The following TCF7L1 variants were observed in gnomAD, a reference collection of about 807,000 sequenced individuals.
TCF7L1 encodes transcription factor 7-like 1.
TCF7L1 carries 18 observed loss-of-function variants against 63.7 expected under a neutral mutation model. That is an observed-to-expected ratio of 0.28 (90% CI 0.20 to 0.42). The LOEUF is 0.42. Ranked by LOEUF, TCF7L1 falls within the 10% of genes least tolerant of loss-of-function variation. The probability of loss-of-function intolerance (pLI) is 1.00; values close to 1 mark genes in which losing one functional copy is unlikely to be tolerated. For missense variants in TCF7L1, 654 were observed against 779.3 expected, an observed-to-expected ratio of 0.84 and a Z score of 1.91; for synonymous variants, 355 against 340.9, an observed-to-expected ratio of 1.04 and a Z score of -0.46.
At chr2:85,274,982 A>G (rs1162802885) in intron 3 of TCF7L1, among the ~76,000 whole-genome samples, 5 of 152,164 alleles carry the variant, frequency 3.3e-5, no homozygotes, top group African/African-American at 1.2e-4. Context: ...AGGTGTTCTT[A>G]TTCCTATTTT....
At chr2:85,209,256 G>A (rs1679488695) in intron 3 of TCF7L1, among the ~76,000 whole-genome samples, 1 of 152,198 alleles carries the variant, frequency 6.6e-6, no homozygotes, top group Non-Finnish European at 1.5e-5. Flanking sequence ...GGATCACAAA[G>A]GTGTGGAGGC....
intron 5 of TCF7L1, 73 bp from the exon 6 acceptor site, chr2:85,303,822 C>A: frequency 8.5e-7 from 1 of 1,171,640 alleles, no homozygotes; most frequent in Admixed American, 1.9e-5. Context: ...GGGCAGGATG[C>A]TCCCATTTGA....
At chr2:85,171,856 G>C (rs777734917) in intron 3 of TCF7L1, among the ~76,000 whole-genome samples, 2 of 152,120 alleles carry the variant, frequency 1.3e-5, no homozygotes, top group Non-Finnish European at 2.9e-5. Context: ...CCGTGTACAT[G>C]TCAAGTGTCC....
At chr2:85,143,669 A>C (rs1267024858) in intron 3 of TCF7L1, among the ~76,000 whole-genome samples, 1 of 152,220 alleles carries the variant, frequency 6.6e-6, no homozygotes, top group African/African-American at 2.4e-5. Context: ...TAGGTCTCCC[A>C]TTCTACCCAT....
chr2:85,294,318 G>T (rs1681797750), intron 4 of TCF7L1, among the ~76,000 whole-genome samples: 1 of 152,034 alleles, frequency 6.6e-6, no homozygotes, highest in Non-Finnish European at 1.5e-5. Context: ...TTACAGGCGT[G>T]AGCCACCACG....
At chr2:85,159,441 C>G (rs1678229053) in intron 3 of TCF7L1, among the ~76,000 whole-genome samples, 1 of 152,182 alleles carries the variant, frequency 6.6e-6, no homozygotes, top group African/African-American at 2.4e-5. Context: ...TTTCTTCCGG[C>G]CTTACCAAGT....
At position 85,172,227 on chromosome 2, in the gene TCF7L1, G is replaced by A. The variant is rs1021841604; in HGVS notation, c.441+37777G>A. Among the ~76,000 whole-genome samples, 13 of 152,242 alleles carry A rather than the reference G, an allele frequency of 8.5e-5. No homozygotes were observed. In the East Asian group the frequency reaches 2.5e-3, roughly 30 times the overall value. Reference sequence around the variant, plus strand: ...GACAATGATGTTAGGGCCATGGGGTGCCATTGAGGTAATGGTCGGCCCTCC... The same window carrying A: ...GACAATGATGTTAGGGCCATGGGGTACCATTGAGGTAATGGTCGGCCCTCC... On this transcript the variant is annotated intron_variant, in intron 3 of 11. Transcript: ENST00000282111.
At position 85,165,702 on chromosome 2, in the gene TCF7L1, A is replaced by T. The variant is rs1678399673; in HGVS notation, c.441+31252A>T. ...GGTTGATGTGAAAATAATCTGCTGT[A>T]GATCATTAGGTTTATGGAACTTGGT... is the stretch of plus-strand genomic sequence containing the variant. On this transcript the variant is annotated intron_variant, in intron 3 of 11. Transcript: ENST00000282111. 5.9e-5 allele frequency among the ~76,000 whole-genome samples: 9 copies of T among 152,202 alleles called. No homozygotes were observed. In the South Asian group the frequency reaches 1.9e-3, roughly 31 times the overall value.
chr2:85,283,689 A>C, intron 4 of TCF7L1, 111 bp downstream of exon 4: 1 of 1,207,488 alleles, frequency 8.3e-7, no homozygotes, highest in Non-Finnish European at 1.2e-6. Flanking sequence ...GTGTTTCCTC[A>C]AATGTGTGAG....
intron 3 of TCF7L1, among the ~76,000 whole-genome samples, chr2:85,172,624 C>G (rs1190084160): frequency 1.3e-5 from 2 of 152,164 alleles, no homozygotes; most frequent in African/African-American, 4.8e-5. Context: ...CGGGGTTTCA[C>G]TATGTTGGTC....
At chr2:85,288,578 C>T (rs905871831) in intron 4 of TCF7L1, among the ~76,000 whole-genome samples, 4 of 152,022 alleles carry the variant, frequency 2.6e-5, no homozygotes, top group Non-Finnish European at 5.9e-5. Context: ...GTAGAGCAAG[C>T]GAAGGAAACA....
At chr2:85,259,143 G>C (rs990915848) in intron 3 of TCF7L1, among the ~76,000 whole-genome samples, 2 of 152,234 alleles carry the variant, frequency 1.3e-5, no homozygotes, top group Admixed American at 1.3e-4. Context: ...ACCACACACA[G>C]TGGCTGCGCA....
intron 4 of TCF7L1, among the ~76,000 whole-genome samples, chr2:85,286,853 A>C (rs1242622227): frequency 1.3e-5 from 2 of 152,108 alleles, no homozygotes; most frequent in Non-Finnish European, 2.9e-5. Flanking sequence ...TTTACTCAGG[A>C]GGCTGAGCTG....
At chr2:85,179,687 G>A (rs1678756430) in intron 3 of TCF7L1, among the ~76,000 whole-genome samples, 1 of 152,192 alleles carries the variant, frequency 6.6e-6, no homozygotes, top group African/African-American at 2.4e-5. Context: ...CTGCTGCTAT[G>A]CAGGGATTAG....
chr2:85,286,168 G>A (rs1245839419), intron 4 of TCF7L1, among the ~76,000 whole-genome samples: 2 of 143,762 alleles, frequency 1.4e-5, no homozygotes, highest in East Asian at 4.2e-4. Flanking sequence ...CCCAGCCTGG[G>A]CAGCAAGAGC....
chr2:85,169,619 C>G (rs1678500657), intron 3 of TCF7L1, among the ~76,000 whole-genome samples: 1 of 152,138 alleles, frequency 6.6e-6, no homozygotes, highest in Non-Finnish European at 1.5e-5. Context: ...TTGTGTTGTT[C>G]CCTAATTGTT....
intron 3 of TCF7L1, among the ~76,000 whole-genome samples, chr2:85,225,409 G>A (rs978925765): frequency 6.6e-6 from 1 of 152,210 alleles, no homozygotes; most frequent in Non-Finnish European, 1.5e-5. Flanking sequence ...CTATCCATGA[G>A]CATGGAATGT....
At chr2:85,167,539 C>T (rs1375841684) in intron 3 of TCF7L1, among the ~76,000 whole-genome samples, 1 of 152,118 alleles carries the variant, frequency 6.6e-6, no homozygotes, top group African/African-American at 2.4e-5. Context: ...GAAATGTGGG[C>T]TCTGCACGCA....
chr2:85,205,959 A>G (rs544704375), intron 3 of TCF7L1, among the ~76,000 whole-genome samples: 13 of 152,370 alleles, frequency 8.5e-5, no homozygotes, highest in Middle Eastern at 3.4e-3. Flanking sequence ...AAGGACTGCC[A>G]TCCACTTGGA....
Sources: gnomAD v4.1 joint callset for allele counts (sites outside exome capture counted in the v4.1 genomes callset) on GRCh38, gnomAD v4.1.1 for gene constraint, MANE v1.5 for transcripts, NCBI Gene and HGNC (gene_info 2026-07-23, HGNC 2026-07-21) for gene names.